Variants in PALS1 observed in about 807,000 individuals in gnomAD.
PALS1 encodes the protein protein associated with LIN7 1, MAGUK p55 family member.
In PALS1, 31 loss-of-function variants were observed where a neutral mutation model predicts 78.9. The ratio of observed to expected loss-of-function variants is 0.39; its 90% CI spans 0.30 to 0.53. The LOEUF (loss-of-function observed/expected upper bound fraction) is 0.53. PALS1 is among the 20% of genes least tolerant of loss of function. PALS1 has a pLI of 0.67. For missense variants in PALS1, 704 were observed against 826.5 expected, an observed-to-expected ratio of 0.85 and a Z score of 1.82; for synonymous variants, 276 against 270.9, an observed-to-expected ratio of 1.02 and a Z score of -0.18.
At chr14:67,273,275 C>T (rs1205857781) in intron 2 of PALS1, among the ~76,000 whole-genome samples, 1 of 149,168 alleles carries the variant, frequency 6.7e-6, no homozygotes, top group Non-Finnish European at 1.5e-5. Flanking sequence ...CCTCCCACCT[C>T]CCCAACCCCA....
intron 14 of PALS1, among the ~76,000 whole-genome samples, chr14:67,324,511 T>A (rs970010322): frequency 1.3e-5 from 2 of 152,208 alleles, no homozygotes; most frequent in African/African-American, 2.4e-5. Flanking sequence ...TGCCTTTAAA[T>A]CTCCTTAAAG....
chr14:67,323,006 T>A (rs1264429131), intron 13 of PALS1, among the ~76,000 whole-genome samples: 2 of 152,186 alleles, frequency 1.3e-5, no homozygotes, highest in Non-Finnish European at 2.9e-5. Context: ...GTCTGGCACA[T>A]AGTAAGGCAA....
At chr14:67,273,297 G>A (rs1279936163) in intron 2 of PALS1, among the ~76,000 whole-genome samples, 6 of 116,100 alleles carry the variant, frequency 5.2e-5, no homozygotes, top group Admixed American at 2.0e-4. Context: ...GACAGGCCCC[G>A]ATGTGTGATG....
At chr14:67,303,179 A>G (rs998809923) in intron 7 of PALS1, among the ~76,000 whole-genome samples, 5 of 152,250 alleles carry the variant, frequency 3.3e-5, no homozygotes, top group African/African-American at 1.2e-4. Flanking sequence ...TCTATTGGAT[A>G]GTGCTAGTAT....
At chr14:67,284,424 T>C (rs1165168584) in intron 3 of PALS1, among the ~76,000 whole-genome samples, 2 of 83,774 alleles carry the variant, frequency 2.4e-5, no homozygotes, top group East Asian at 6.8e-4. Context: ...ATAGACCCTA[T>C]CTCTTAAAAA....
At chr14:67,312,223 A>T (rs2085100712) in intron 8 of PALS1, 1 of 179,884 alleles carries the variant, frequency 5.6e-6, no homozygotes, top group African/African-American at 2.4e-5. Context: ...AGCCTGAAAA[A>T]ATATTGCCCA....
Position 67,333,120 on chromosome 14 carries a change from G to C in PALS1, c.*164G>C. 2 of 581,628 alleles carry C rather than the reference G, an allele frequency of 3.4e-6. No individual in the cohort carries two copies. Among genetic ancestry groups the C allele is most frequent in the Non-Finnish European group, 5.8e-6 (2 of 342,342 alleles). 36.0% of individuals were successfully genotyped at this position (581,628 alleles called of 1,614,324 possible). ...AATTAGTGAGACGACAGTTCCCTTAGGCAGTTTGTGCATGGCATCCTTTAT... is the reference window on the plus strand; with the variant it reads ...AATTAGTGAGACGACAGTTCCCTTACGCAGTTTGTGCATGGCATCCTTTAT... On this transcript the variant is annotated 3_prime_UTR_variant, in exon 15 of 15. Coordinates refer to ENST00000261681, the MANE Select transcript of PALS1 (RefSeq NM_022474.4).
chr14:67,274,811 C>G (rs528027976), intron 2 of PALS1, among the ~76,000 whole-genome samples: 57 of 152,230 alleles, frequency 3.7e-4, no homozygotes, highest in South Asian at 2.7e-3. Context: ...CCAGTGGTTT[C>G]TAGTTCTCCT....
intron 8 of PALS1, among the ~76,000 whole-genome samples, chr14:67,304,752 C>T (rs955207602): frequency 5.3e-5 from 8 of 152,066 alleles, no homozygotes; most frequent in African/African-American, 1.7e-4. Flanking sequence ...AAACTAAAAC[C>T]ATCCAATTGT....
intron 1 of PALS1, among the ~76,000 whole-genome samples, chr14:67,267,417 C>T (rs1017291469): frequency 2.6e-5 from 4 of 151,936 alleles, no homozygotes; most frequent in Non-Finnish European, 5.9e-5. Context: ...CACCACCACA[C>T]CTGGCTAATT....
intron 10 of PALS1, 71 bp from the exon 11 acceptor site, chr14:67,317,337 T>G (rs1380877465): frequency 7.9e-7 from 1 of 1,269,332 alleles, no homozygotes; most frequent in Admixed American, 2.2e-5. Context: ...ATAAATAGAG[T>G]TCTTCAATTT....
At chr14:67,249,309 A>G (rs1225639139) in intron 1 of PALS1, among the ~76,000 whole-genome samples, 1 of 152,186 alleles carries the variant, frequency 6.6e-6, no homozygotes, top group Non-Finnish European at 1.5e-5. Context: ...AATGACAGTA[A>G]TTGTAGTAAT....
In PALS1 at chr14:67,316,917, AT is replaced by A; in HGVS notation, c.1297+17del. ...CAGAAAAATCAGGTTAGACACTTGTATTTGACATAAGTAAATGGTTTCTTGG... is the reference window on the plus strand; with the variant it reads ...CAGAAAAATCAGGTTAGACACTTGTATTGACATAAGTAAATGGTTTCTTGG... On this transcript the variant is annotated intron_variant, in intron 10 of 14. Transcript: ENST00000261681. The A allele has an allele frequency of 6.3e-7, 1 of 1,599,948 alleles. No homozygotes were observed. The highest frequency in any genetic ancestry group is 2.2e-5 in the East Asian group (1 of 44,650).
chr14:67,258,071 C>T (rs1446348058), intron 1 of PALS1, among the ~76,000 whole-genome samples: 1 of 151,594 alleles, frequency 6.6e-6, no homozygotes, highest in Non-Finnish European at 1.5e-5. Flanking sequence ...TTTTTCTCTT[C>T]CTGTCTTATC....
At chr14:67,267,694 A>C (rs1409225136) in intron 1 of PALS1, among the ~76,000 whole-genome samples, 1 of 152,228 alleles carries the variant, frequency 6.6e-6, no homozygotes, top group Non-Finnish European at 1.5e-5. Flanking sequence ...TGTCACTGAA[A>C]TCTAATATTA....
At chr14:67,278,667 A>G (rs946328537) in intron 2 of PALS1, among the ~76,000 whole-genome samples, 5 of 152,228 alleles carry the variant, frequency 3.3e-5, no homozygotes, top group African/African-American at 1.2e-4. Context: ...CTACTAAAAG[A>G]TGATTAAAAC....
chr14:67,251,771 G>A (rs1327999756), intron 1 of PALS1, among the ~76,000 whole-genome samples: 2 of 152,180 alleles, frequency 1.3e-5, no homozygotes, highest in Admixed American at 1.3e-4. Context: ...GAATGAGGGT[G>A]ATAAGAGCAT....
At chr14:67,330,806 TAGTTTCC>T (rs1432145078) in intron 14 of PALS1, among the ~76,000 whole-genome samples, 1 of 152,222 alleles carries the variant, frequency 6.6e-6, no homozygotes, top group Non-Finnish European at 1.5e-5. Context: ...GTATGTTATA[TAGTTTCC>T]ACCTATTTGG....
chr14:67,279,041 A>T lies in PALS1; in HGVS notation c.-130A>T. 2 of 807,154 alleles carry T rather than the reference A, an allele frequency of 2.5e-6. No individual in the cohort carries two copies. The highest frequency in any genetic ancestry group is 3.7e-5 in the Admixed American group (1 of 26,942). The allele number at this position is 807,154 out of a possible 1,614,324, so 50.0% of individuals were successfully genotyped here. A position where few individuals can be genotyped will look rare whatever the true frequency, so the allele number is the denominator to read the frequency against. On this transcript the variant is annotated 5_prime_UTR_variant, in exon 3 of 15. Transcript: ENST00000261681. ...AGATTTCCTTCATGGATACTTTTTC[A>T]TAGCATTATTATGTGATGTGAGAAG...
Sources: allele counts gnomAD v4.1 joint callset (sites outside exome capture counted in the v4.1 genomes callset), GRCh38; gene constraint gnomAD v4.1.1; transcripts MANE v1.5; gene names NCBI Gene and HGNC (gene_info 2026-07-23, HGNC 2026-07-21).